The following DCTN1 variants were observed in gnomAD, a reference collection of about 807,000 sequenced individuals.
The protein encoded by DCTN1 is 150 kDa dynein-associated polypeptide.
In DCTN1, 61 loss-of-function variants were observed where a neutral mutation model predicts 161.2. The observed-to-expected ratio is 0.38, with a 90% CI of 0.31 to 0.47. The LOEUF (loss-of-function observed/expected upper bound fraction) is 0.47. Ranked by LOEUF, DCTN1 falls within the 20% of genes least tolerant of loss-of-function variation. DCTN1 has a pLI of 0.99. For missense variants in DCTN1, 1,404 were observed against 1,623.7 expected, an observed-to-expected ratio of 0.86 and a Z score of 2.33; for synonymous variants, 653 against 632.4, an observed-to-expected ratio of 1.03 and a Z score of -0.49.
intron 4 of DCTN1, 76 bp downstream of exon 4, chr2:74,377,356 C>CCTA: frequency 1.5e-6 from 2 of 1,319,608 alleles, no homozygotes; most frequent in African/African-American, 2.9e-5. Flanking sequence ...CTTCTACCTG[C>CCTA]CTAGCACTGG....
chr2:74,386,862 C>T (rs949285383), intron 1 of DCTN1: 3 of 152,124 alleles, frequency 2.0e-5, no homozygotes, highest in Non-Finnish European at 2.9e-5. Flanking sequence ...ATTTAGCAAT[C>T]GTCTTTTCTC....
At position 74,369,442 on chromosome 2, in the gene DCTN1, G is replaced by T. The variant is rs201364385; in HGVS notation, c.1442C>A (p.Thr481Lys). The change falls in exon 14 of 32, where the codon ACA becomes AAA. Residue 481 changes from threonine (T) to lysine (K), a missense_variant. This residue lies in a region of DCTN1 where 278 missense variants were observed against 363.8 expected (regional missense o/e 0.76). Transcript: ENST00000628224. This position sits in a 1 kb window ranked among gnomAD's most constrained non-coding sequence, Gnocchi z 4.9. Reference sequence around the variant, plus strand: ...CAGCTGCTCCCGCAGCTCCAGTTCTGTCTCACGTGCATTCTCCTGCAGCTC... The same window carrying T: ...CAGCTGCTCCCGCAGCTCCAGTTCTTTCTCACGTGCATTCTCCTGCAGCTC... ...NDELQENARE[T>K]ELELREQLDM... 1 of 1,614,150 alleles carries T rather than the reference G, an allele frequency of 6.2e-7. No individual in the cohort carries two copies. Among genetic ancestry groups the T allele is most frequent in the Admixed American group, 1.7e-5 (1 of 60,022 alleles).
intron 6 of DCTN1, 85 bp downstream of exon 6, chr2:74,374,238 C>G: frequency 6.9e-7 from 1 of 1,448,876 alleles, no homozygotes; most frequent in Non-Finnish European, 9.6e-7. Context: ...CAGATGAAGT[C>G]AATCAGCCCC....
intron 26 of DCTN1, chr2:74,363,916 G>A: frequency 2.0e-6 from 1 of 501,960 alleles, no homozygotes; most frequent in Non-Finnish European, 3.7e-6. Context: ...GGAACATGAG[G>A]CTGTTCCTGC....
chr2:74,361,992 GA>G lies in DCTN1; in HGVS notation c.3699+59del, dbSNP rs531711307. The G allele has an allele frequency of 1.5e-3, 2,396 of 1,562,736 alleles. 2 individuals carry two copies. The highest frequency in any genetic ancestry group is 1.8e-3 in the Non-Finnish European group (2,078 of 1,135,040). On this transcript the variant is annotated intron_variant, in intron 31 of 31. Transcript: ENST00000628224. ...AAAGGCCTCCTCCAATTCTGGAGGA[GA>G]GGGGGGCCCGCCTGAGCTCTCCACA... is the stretch of plus-strand genomic sequence containing the variant.
chr2:74,365,166 C>A lies in DCTN1; in HGVS notation c.3105G>T (p.Gln1035His). 1 of 1,614,226 alleles carries A rather than the reference C, an allele frequency of 6.2e-7. No homozygotes were observed. The highest frequency in any genetic ancestry group is 8.5e-7 in the Non-Finnish European group (1 of 1,180,048). The change falls in exon 26 of 32, where the codon CAG (glutamine) becomes CAT (histidine). Residue 1035 changes from glutamine (Q) to histidine (H), a missense_variant. Physicochemically the swap from Gln to His is conservative, Grantham distance 24. Coordinates refer to ENST00000628224, the MANE Select transcript of DCTN1 (RefSeq NM_004082.5). ...QLEAEKAELKQRLNSQSKRTI... is the reference protein window; with the variant it reads ...QLEAEKAELKHRLNSQSKRTI... Reference sequence around the variant, plus strand: ...TGCGTTTGGACTGGCTGTTCAGACGCTGCTTTAGTTCTGCCTTCTCTGCCT... The same window carrying A: ...TGCGTTTGGACTGGCTGTTCAGACGATGCTTTAGTTCTGCCTTCTCTGCCT...
intron 5 of DCTN1, 74 bp downstream of exon 5, chr2:74,376,668 C>A (rs1175617156): frequency 5.6e-6 from 8 of 1,417,824 alleles, no homozygotes; most frequent in Non-Finnish European, 4.9e-6. Flanking sequence ...TGCAGCAGCC[C>A]AGGGACATGC....
intron 1 of DCTN1, among the ~76,000 whole-genome samples, chr2:74,379,187 G>A (rs1022373879): frequency 6.6e-6 from 1 of 152,154 alleles, no homozygotes; most frequent in Non-Finnish European, 1.5e-5. Flanking sequence ...ATAGGCCCAT[G>A]GTTTAGAAGA....
At chr2:74,386,816 C>T (rs1462477897) in intron 1 of DCTN1, 1 of 152,190 alleles carries the variant, frequency 6.6e-6, no homozygotes, top group Non-Finnish European at 1.5e-5. Context: ...CCCTTCTTTT[C>T]AGGGCCCACC....
chr2:74,362,530 C>T, intron 30 of DCTN1, 120 bp downstream of exon 30: 2 of 1,033,814 alleles, frequency 1.9e-6, no homozygotes, highest in African/African-American at 1.6e-5. Flanking sequence ...ACCCTGCCTT[C>T]CCTTCCATCT....
intron 1 of DCTN1, chr2:74,391,710 T>C: frequency 4.7e-6 from 2 of 426,038 alleles, no homozygotes; most frequent in East Asian, 7.4e-5. Flanking sequence ...CACACCGGGC[T>C]CGGTCCCCAG....
intron 19 of DCTN1, 92 bp downstream of exon 19, chr2:74,367,260 T>C: frequency 6.4e-7 from 1 of 1,556,062 alleles, no homozygotes; most frequent in East Asian, 2.3e-5. Context: ...GCCCTAGTCT[T>C]ATGTGACACT....
intron 26 of DCTN1, 65 bp from the exon 27 acceptor site, chr2:74,363,693 T>A (rs761534717): frequency 4.1e-5 from 66 of 1,602,122 alleles, no homozygotes; most frequent in Non-Finnish European, 5.3e-5. Flanking sequence ...GATTTGGGGG[T>A]TACGGGGACA....
In DCTN1 at chr2:74,371,185, G is replaced by A. The variant is rs771722291; in HGVS notation, c.646-9C>T. On this transcript the variant is annotated splice_polypyrimidine_tract_variant and intron_variant, in intron 8 of 31. Coordinates refer to ENST00000628224, the MANE Select transcript of DCTN1 (RefSeq NM_004082.5). ...CTTAGTCCCTCCTCCTCCTGCAAAG[G>A]AGAGGCCTCACGGTCTGTGCACAGC... 3.1e-6 allele frequency: 5 copies of A among 1,612,922 alleles called. No homozygotes were observed. The highest frequency in any genetic ancestry group is 4.2e-6 in the Non-Finnish European group (5 of 1,180,030).
intron 8 of DCTN1, 171 bp from the exon 9 acceptor site, chr2:74,371,347 G>T: frequency 1.4e-6 from 2 of 1,453,298 alleles, no homozygotes; most frequent in Non-Finnish European, 9.4e-7. Context: ...TATATATGGG[G>T]AAAGTATGGC....
At chr2:74,390,435 A>G (rs1573194432) in intron 1 of DCTN1, 1 of 231,746 alleles carries the variant, frequency 4.3e-6, no homozygotes, top group East Asian at 9.3e-5. Context: ...ATTGCCCATT[A>G]TTTTAAATGT....
At position 74,368,748 on chromosome 2, in the gene DCTN1, T is replaced by A. The variant is rs765357786; in HGVS notation, c.1834A>T (p.Met612Leu). 3.1e-6 allele frequency: 5 copies of A among 1,614,244 alleles called. No homozygotes were observed. The Admixed American group carries it at 8.3e-5, about 27-fold the overall frequency. ...CATACCTTGCAAATGAGACGAGGCA[T>A]GAGCAACAGCACCAGAACGCAGTCA... ...DHDCVLVLLL[M>L]PRLICKAELI... Residue 612 changes from methionine to leucine, a missense_variant, in exon 16 of 32, where the codon ATG (methionine) becomes TTG (leucine). Met to Leu is a conservative substitution (Grantham distance 15, BLOSUM62 2). This residue lies in a region of DCTN1 where 475 missense variants were observed against 489.8 expected (regional missense o/e 0.97). Coordinates refer to ENST00000628224, the MANE Select transcript of DCTN1 (RefSeq NM_004082.5).
In DCTN1 at chr2:74,370,538, T is replaced by A; in HGVS notation, c.1055A>T (p.Asp352Val). ...GAGCTGATAACTGGATGCAGCGCCA[T>A]CTGAGCCTGGAGAAGATCATTAACA... Reference protein sequence around the residue: ...LKAEIEEKGSDGAASSYQLKQ... With the variant: ...LKAEIEEKGSVGAASSYQLKQ... Residue 352 changes from aspartate (D) to valine (V), a missense_variant, in exon 11 of 32, where the codon GAT (aspartate) becomes GTT (valine). By Grantham distance (152) the Asp-to-Val change is radical. Transcript: ENST00000628224. This position sits in a 1 kb window ranked among gnomAD's most constrained non-coding sequence, Gnocchi z 4.4. 1 of 1,614,150 alleles carries A rather than the reference T, an allele frequency of 6.2e-7. No homozygotes were observed. Among genetic ancestry groups the A allele is most frequent in the Non-Finnish European group, 8.5e-7 (1 of 1,180,036 alleles).
At chr2:74,363,727 C>G in intron 26 of DCTN1, 99 bp from the exon 27 acceptor site, 1 of 1,497,988 alleles carries the variant, frequency 6.7e-7, no homozygotes, top group African/African-American at 1.4e-5. Flanking sequence ...CTGGACACAA[C>G]CTGCAGGAAA....
Sources: allele counts gnomAD v4.1 joint callset (sites outside exome capture counted in the v4.1 genomes callset), GRCh38; gene constraint gnomAD v4.1.1; regional missense constraint gnomAD v4.1.1; non-coding constraint Gnocchi (gnomAD v3.1); transcripts MANE v1.5; gene names NCBI Gene and HGNC (gene_info 2026-07-23, HGNC 2026-07-21).